Variants in SLC35F4 observed in about 807,000 individuals in gnomAD.
The protein encoded by SLC35F4 is chromosome 14 open reading frame 36.
SLC35F4 carries 24 observed loss-of-function variants against 44.2 expected under a neutral mutation model. That is an observed-to-expected ratio of 0.54 (90% CI 0.39 to 0.76). The LOEUF is 0.76. SLC35F4 is among the 30% of genes least tolerant of loss of function. The pLI, the probability that SLC35F4 is intolerant of heterozygous loss-of-function variation, is 0.00. For missense variants in SLC35F4, 562 were observed against 586.1 expected (o/e 0.96, Z 0.42); for synonymous variants, 238 against 223.6 (o/e 1.06, Z -0.57).
chr14:57,815,320 G>A (rs1882438744), intron 1 of SLC35F4, among the ~76,000 whole-genome samples: 1 of 152,164 alleles, frequency 6.6e-6, no homozygotes, highest in Non-Finnish European at 1.5e-5. Context: ...TCCTTGAATT[G>A]TCGACATGAT....
intron 1 of SLC35F4, among the ~76,000 whole-genome samples, chr14:57,861,094 C>A (rs893492185): frequency 1.3e-5 from 2 of 152,140 alleles, no homozygotes; most frequent in African/African-American, 2.4e-5. Flanking sequence ...CTTAAGGCTG[C>A]CAGACAACCT....
chr14:57,579,820 C>T (rs12894929), intron 4 of SLC35F4, among the ~76,000 whole-genome samples: 8 of 152,180 alleles, frequency 5.3e-5, no homozygotes, highest in Non-Finnish European at 1.5e-5. Flanking sequence ...AGGTCCCCAC[C>T]CTTGGCTCAG....
chr14:57,598,875 G>A (rs1004965072), intron 1 of SLC35F4, among the ~76,000 whole-genome samples: 2 of 128,682 alleles, frequency 1.6e-5, no homozygotes, highest in Non-Finnish European at 3.4e-5. Flanking sequence ...ACACGATCTA[G>A]GGAATGTGTG....
chr14:57,639,087 T>C (rs746488698), intron 1 of SLC35F4, among the ~76,000 whole-genome samples: 2 of 152,144 alleles, frequency 1.3e-5, no homozygotes, highest in Non-Finnish European at 2.9e-5. Context: ...TCCATTTTAA[T>C]GGCCCTAAGC....
intron 1 of SLC35F4, among the ~76,000 whole-genome samples, chr14:57,621,576 G>A (rs371719168): frequency 1.3e-4 from 20 of 152,106 alleles, no homozygotes; most frequent in African/African-American, 3.9e-4. Context: ...AAAGGATTCC[G>A]TATTTAATAA....
intron 3 of SLC35F4, among the ~76,000 whole-genome samples, chr14:57,582,509 G>A (rs2069359243): frequency 1.3e-5 from 2 of 152,168 alleles, no homozygotes; most frequent in South Asian, 2.1e-4. Flanking sequence ...GCTCTGAGGG[G>A]CCATTTTAAT....
intron 1 of SLC35F4, among the ~76,000 whole-genome samples, chr14:57,928,399 C>G (rs1327511927): frequency 6.6e-6 from 1 of 152,154 alleles, no homozygotes; most frequent in Non-Finnish European, 1.5e-5. Context: ...GCAGTACTAA[C>G]AAGGTCACCC....
intron 1 of SLC35F4, among the ~76,000 whole-genome samples, chr14:57,617,947 G>A (rs2071945235): frequency 6.6e-6 from 1 of 152,200 alleles, no homozygotes; most frequent in African/African-American, 2.4e-5. Context: ...GGCAACAGAA[G>A]GGACTTTAAA....
At chr14:57,671,794 G>C (rs141313045) in intron 1 of SLC35F4, among the ~76,000 whole-genome samples, 2 of 152,070 alleles carry the variant, frequency 1.3e-5, no homozygotes, top group African/African-American at 4.8e-5. Context: ...TGATGGATGA[G>C]CACGGAAGTA....
intron 3 of SLC35F4, among the ~76,000 whole-genome samples, chr14:57,586,559 A>C (rs1446248310): frequency 6.6e-6 from 1 of 151,636 alleles, no homozygotes; most frequent in Non-Finnish European, 1.5e-5. Context: ...CTACTAAAAA[A>C]TACAAAAAAT....
chr14:57,758,252 A>T (rs2077043296), intron 1 of SLC35F4, among the ~76,000 whole-genome samples: 1 of 151,816 alleles, frequency 6.6e-6, no homozygotes, highest in South Asian at 2.1e-4. Flanking sequence ...CATCCTTGAG[A>T]TTTGTTTAGT....
At chr14:57,758,000 CATGTGTGTGT>C (rs1228276668) in intron 1 of SLC35F4, among the ~76,000 whole-genome samples, 25 of 95,950 alleles carry the variant, frequency 2.6e-4, no homozygotes, top group African/African-American at 3.8e-4. Context: ...ATTATAGGTT[CATGTGTGTGT>C]GTGTGTGTGT....
At chr14:57,871,370 A>G (rs926695314) in intron 1 of SLC35F4, among the ~76,000 whole-genome samples, 5 of 152,188 alleles carry the variant, frequency 3.3e-5, no homozygotes, top group African/African-American at 1.2e-4. Context: ...CACTATTTTT[A>G]TGAGGAATAG....
chr14:57,687,298 C>T (rs960131609), intron 1 of SLC35F4, among the ~76,000 whole-genome samples: 1 of 152,170 alleles, frequency 6.6e-6, no homozygotes, highest in African/African-American at 2.4e-5. Context: ...TAACCATATA[C>T]AGGAACAATG....
chr14:57,581,196 A>C lies in SLC35F4; in HGVS notation c.807+18T>G, dbSNP rs1245684990. 4 of 1,504,546 alleles carry C rather than the reference A, an allele frequency of 2.7e-6. No homozygotes were observed. The highest frequency in any genetic ancestry group is 3.5e-6 in the Non-Finnish European group (4 of 1,127,854). 93.2% of individuals were successfully genotyped at this position (1,504,546 alleles called of 1,614,324 possible). Reference sequence around the variant, plus strand: ...TGAAAAAGGCAGGCATCGCGCATTGAATCAAGTATGCCATTACCCTCACTC... The same window carrying C: ...TGAAAAAGGCAGGCATCGCGCATTGCATCAAGTATGCCATTACCCTCACTC... On this transcript the variant is annotated intron_variant, in intron 4 of 7. Transcript: ENST00000556826.
chr14:57,908,154 G>C (rs1170817354), intron 1 of SLC35F4, among the ~76,000 whole-genome samples: 3 of 152,134 alleles, frequency 2.0e-5, no homozygotes, highest in African/African-American at 7.2e-5. Flanking sequence ...AGTAGTCCAT[G>C]GTTTATAAGT....
At chr14:57,844,233 T>A (rs974626048) in intron 1 of SLC35F4, among the ~76,000 whole-genome samples, 1 of 152,162 alleles carries the variant, frequency 6.6e-6, no homozygotes, top group African/African-American at 2.4e-5. Flanking sequence ...GAAACAAGCA[T>A]GGGGGTGAAA....
intron 1 of SLC35F4, among the ~76,000 whole-genome samples, chr14:57,933,599 G>A (rs1415569714): frequency 1.3e-5 from 2 of 152,226 alleles, no homozygotes; most frequent in Non-Finnish European, 2.9e-5. Context: ...GAAGGGGTTG[G>A]CAGAAGAATC....
chr14:57,950,352 C>A (rs7154383), intron 1 of SLC35F4, among the ~76,000 whole-genome samples: 76,551 of 151,628 alleles, frequency 0.5, 20,929 homozygotes, highest in East Asian at 0.82. Context: ...TATTTCTTTA[C>A]GTGTGTCTTT....
Sources: gnomAD v4.1 joint callset for allele counts (sites outside exome capture counted in the v4.1 genomes callset) on GRCh38, gnomAD v4.1.1 for gene constraint, MANE v1.5 for transcripts, NCBI Gene and HGNC (gene_info 2026-07-23, HGNC 2026-07-21) for gene names.